Variants in COMMD10 observed in about 807,000 individuals in gnomAD.
The protein encoded by COMMD10 is COMM domain-containing protein 10.
In COMMD10, 33 loss-of-function variants were observed where a neutral mutation model predicts 28.9. That is an observed-to-expected ratio of 1.14 (90% CI 0.87 to 1.53). COMMD10 has a LOEUF of 1.53. Among genes scored for constraint, COMMD10 ranks in the 40% most tolerant of loss-of-function variants. COMMD10 has a pLI of 0.00. For missense variants in COMMD10, 310 were observed against 233.4 expected, an observed-to-expected ratio of 1.33 and a Z score of -2.14; for synonymous variants, 110 against 81.7, an observed-to-expected ratio of 1.35 and a Z score of -1.87.
chr5:116,147,097 A>G (rs6594950), intron 5 of COMMD10, among the ~76,000 whole-genome samples: 123,597 of 151,684 alleles, frequency 0.81, 50,521 homozygotes, highest in African/African-American at 0.84. Flanking sequence ...TTCTTTTTGC[A>G]TATTTAGCAT....
chr5:116,289,267 G>A (rs62384469), intron 5 of COMMD10, among the ~76,000 whole-genome samples: 16,514 of 151,734 alleles, frequency 0.11, 1,113 homozygotes, highest in African/African-American at 0.15. Context: ...TTCAGGGTAA[G>A]TGTCCCGAGT....
rs186240583 is a variant in COMMD10, at chr5:116,096,780, C to T, written c.399+4080C>T. Among the ~76,000 whole-genome samples the T allele has an allele frequency of 4.9e-3, 749 of 152,150 alleles. 5 individuals carry two copies. The highest frequency in any genetic ancestry group is 6.7e-3 in the Non-Finnish European group (453 of 67,970). ...AAAAATTCTGTATTCTTACTACTCT[C>T]AAGTGTCTTCTATGTCATTGCTTCA... On this transcript the variant is annotated intron_variant, in intron 4 of 6. Transcript: ENST00000274458.
At chr5:116,289,359 A>G (rs766063385) in intron 5 of COMMD10, among the ~76,000 whole-genome samples, 6 of 151,944 alleles carry the variant, frequency 3.9e-5, no homozygotes, top group African/African-American at 9.7e-5. Context: ...TTGAAAGACA[A>G]CTACCTCCCC....
chr5:116,135,344 T>A (rs1399466187), intron 5 of COMMD10, among the ~76,000 whole-genome samples: 1 of 152,244 alleles, frequency 6.6e-6, no homozygotes, highest in Non-Finnish European at 1.5e-5. Context: ...GTTTCTGGCT[T>A]CTTTAAGAAG....
chr5:116,086,988 C>T (rs1052144951), intron 1 of COMMD10, among the ~76,000 whole-genome samples: 1 of 152,154 alleles, frequency 6.6e-6, no homozygotes, highest in Admixed American at 6.5e-5. Flanking sequence ...AAATTGATTA[C>T]TGTTGTAATA....
intron 5 of COMMD10, among the ~76,000 whole-genome samples, chr5:116,245,619 G>A (rs1035637098): frequency 2.0e-5 from 3 of 152,022 alleles, no homozygotes; most frequent in Admixed American, 1.3e-4. Flanking sequence ...AAATCCAGCG[G>A]CACATCAAAA....
intron 5 of COMMD10, among the ~76,000 whole-genome samples, chr5:116,163,549 A>C (rs1752991681): frequency 6.6e-6 from 1 of 151,948 alleles, no homozygotes; most frequent in African/African-American, 2.4e-5. Flanking sequence ...AGATTGCACC[A>C]TCGCGCTCCA....
At chr5:116,249,654 T>A (rs1750053640) in intron 5 of COMMD10, among the ~76,000 whole-genome samples, 1 of 151,960 alleles carries the variant, frequency 6.6e-6, no homozygotes, top group Non-Finnish European at 1.5e-5. Flanking sequence ...ACTGTGATGG[T>A]CAATGGGTTT....
chr5:116,124,164 G>T (rs1415005166), intron 4 of COMMD10, among the ~76,000 whole-genome samples: 4 of 152,010 alleles, frequency 2.6e-5, no homozygotes, highest in African/African-American at 7.3e-5. Flanking sequence ...TGATGTTAGG[G>T]TGTCAGTTTT....
chr5:116,230,046 A>G (rs1185555276), intron 5 of COMMD10, among the ~76,000 whole-genome samples: 2 of 151,922 alleles, frequency 1.3e-5, no homozygotes, highest in Non-Finnish European at 2.9e-5. Context: ...TTTGTTCACT[A>G]TTGATTCTTT....
intron 5 of COMMD10, among the ~76,000 whole-genome samples, chr5:116,169,215 A>C (rs1753238054): frequency 6.6e-6 from 1 of 152,150 alleles, no homozygotes; most frequent in Non-Finnish European, 1.5e-5. Flanking sequence ...GAATACTATA[A>C]ACACCTCTAT....
chr5:116,104,256 A>G (rs1750760484), intron 4 of COMMD10, among the ~76,000 whole-genome samples: 1 of 152,132 alleles, frequency 6.6e-6, no homozygotes, highest in South Asian at 2.1e-4. Flanking sequence ...CATTTTCACG[A>G]TATTGATTCT....
Position 116,259,844 on chromosome 5 carries a change from T to C in COMMD10, c.511-31673T>C, listed in dbSNP as rs1029784259. ...TAGTCAGAAATTGCATTTGGGAGAA[T>C]GTACTCCTGCTTTTGTTATTTATTG... On this transcript the variant is annotated intron_variant, in intron 5 of 6. Transcript: ENST00000274458. 5.9e-5 allele frequency among the ~76,000 whole-genome samples: 9 copies of C among 151,822 alleles called. No individual in the cohort carries two copies. The South Asian group carries it at 1.9e-3, about 31-fold the overall frequency.
intron 4 of COMMD10, among the ~76,000 whole-genome samples, chr5:116,118,033 C>G (rs1334419486): frequency 6.6e-6 from 1 of 152,126 alleles, no homozygotes; most frequent in Non-Finnish European, 1.5e-5. Flanking sequence ...CTGTTGTCTC[C>G]TCAGCCCACA....
chr5:116,255,494 G>A (rs1199257824), intron 5 of COMMD10, among the ~76,000 whole-genome samples: 3 of 151,486 alleles, frequency 2.0e-5, no homozygotes, highest in Non-Finnish European at 1.5e-5. Context: ...GGCAGGCCTG[G>A]TGGTGACAAA....
chr5:116,275,849 T>C (rs1173547979), intron 5 of COMMD10, among the ~76,000 whole-genome samples: 1 of 151,660 alleles, frequency 6.6e-6, no homozygotes, highest in African/African-American at 2.4e-5. Flanking sequence ...CATATGTTAA[T>C]GAGCGTACAA....
At chr5:116,126,377 C>A (rs1751638450) in intron 4 of COMMD10, among the ~76,000 whole-genome samples, 1 of 151,576 alleles carries the variant, frequency 6.6e-6, no homozygotes, top group South Asian at 2.1e-4. Flanking sequence ...TCAATGCCAT[C>A]CCCATCAAAC....
intron 4 of COMMD10, among the ~76,000 whole-genome samples, chr5:116,123,142 G>A (rs984324769): frequency 5.9e-5 from 9 of 151,894 alleles, no homozygotes; most frequent in Non-Finnish European, 1.0e-4. Flanking sequence ...ATTATTTTGA[G>A]ATAATCAATA....
chr5:116,250,189 T>G (rs1271019572), intron 5 of COMMD10, among the ~76,000 whole-genome samples: 1 of 64,016 alleles, frequency 1.6e-5, no homozygotes, highest in African/African-American at 2.7e-4. Context: ...AAAAATTACA[T>G]TTTTTATCTT....
Sources: gnomAD v4.1 joint callset for allele counts (sites outside exome capture counted in the v4.1 genomes callset) on GRCh38, gnomAD v4.1.1 for gene constraint, MANE v1.5 for transcripts, NCBI Gene and HGNC (gene_info 2026-07-23, HGNC 2026-07-21) for gene names.